The following ZNF536 variants were observed in gnomAD, a reference collection of about 807,000 sequenced individuals.
The protein encoded by ZNF536 is zinc finger protein 536.
A neutral mutation model predicts 84.5 loss-of-function variants in ZNF536; 13 were observed. The observed-to-expected ratio is 0.15, with a 90% CI of 0.10 to 0.24. The LOEUF is 0.24. Among genes scored for constraint, ZNF536 ranks in the 10% least tolerant of loss-of-function variants. The pLI, the probability that ZNF536 is intolerant of heterozygous loss-of-function variation, is 1.00. For synonymous variants in ZNF536, 811 were observed against 742.5 expected (o/e 1.09, Z -1.50); for missense variants, 1,536 against 1,747.5 (o/e 0.88, Z 2.16).
At chr19:30,626,230 A>C (rs1172228676) in intron 1 of ZNF536, among the ~76,000 whole-genome samples, 1 of 152,212 alleles carries the variant, frequency 6.6e-6, no homozygotes, top group Non-Finnish European at 1.5e-5. Flanking sequence ...TGAGGGGATA[A>C]ATCCCACGTC....
intron 1 of ZNF536, among the ~76,000 whole-genome samples, chr19:30,564,489 G>C (rs1391613497): frequency 2.6e-5 from 4 of 152,124 alleles, no homozygotes; most frequent in Non-Finnish European, 4.4e-5. Context: ...TCCTGGGGCT[G>C]TAGGTGCCCA....
At chr19:30,698,347 G>A (rs188225185) in intron 1 of ZNF536, among the ~76,000 whole-genome samples, 13 of 151,836 alleles carry the variant, frequency 8.6e-5, no homozygotes, top group African/African-American at 2.9e-4. Flanking sequence ...AGATTTCACC[G>A]CCATTTCCCA....
At chr19:30,383,743 C>CTTTCTTTCTTTCTT (rs1322092817) in intron 1 of ZNF536, among the ~76,000 whole-genome samples, 4 of 23,222 alleles carry the variant, frequency 1.7e-4, no homozygotes, top group East Asian at 1.5e-3. Context: ...TTCTTTCTTT[C>CTTTCTTTCTTTCTT]TCTTTCTTTC....
chr19:30,244,303 C>G (rs985483844), intron 1 of ZNF536, among the ~76,000 whole-genome samples: 3 of 152,112 alleles, frequency 2.0e-5, no homozygotes, highest in African/African-American at 4.8e-5. Context: ...GATCCACCCC[C>G]CCACCCCTCA....
At chr19:30,244,422 G>T (rs1310608369) in intron 1 of ZNF536, among the ~76,000 whole-genome samples, 3 of 152,102 alleles carry the variant, frequency 2.0e-5, no homozygotes, top group Non-Finnish European at 4.4e-5. Context: ...ACAAAAGCCT[G>T]GGATTTAGAA....
intron 1 of ZNF536, among the ~76,000 whole-genome samples, chr19:30,420,879 G>A (rs544476103): frequency 2.5e-4 from 38 of 152,298 alleles, no homozygotes; most frequent in African/African-American, 8.9e-4. Flanking sequence ...GTCCATTTGG[G>A]CCAGGTTCTG....
At chr19:30,388,366 C>T (rs1319292446) in intron 1 of ZNF536, among the ~76,000 whole-genome samples, 3 of 152,266 alleles carry the variant, frequency 2.0e-5, no homozygotes, top group East Asian at 3.9e-4. Context: ...TGGGGTTAGG[C>T]AGGGGGCTTG....
intron 3 of ZNF536, among the ~76,000 whole-genome samples, chr19:30,538,385 C>T (rs1382706586): frequency 2.0e-5 from 3 of 152,042 alleles, no homozygotes; most frequent in South Asian, 2.1e-4. Flanking sequence ...TTTTTCTGTC[C>T]GACTGCATCT....
chr19:30,268,047 C>CCCTCCCTTTCTCTCCCCCTGCCTT (rs2145407824), intron 1 of ZNF536, among the ~76,000 whole-genome samples: 1 of 131,270 alleles, frequency 7.6e-6, no homozygotes, highest in South Asian at 3.0e-4. Context: ...CCCCCCGCCT[C>CCCTCCCTTTCTCTCCCCCTGCCTT]CCTCCCTTTC....
At chr19:30,400,100 T>C (rs2049986847) in intron 1 of ZNF536, among the ~76,000 whole-genome samples, 1 of 152,202 alleles carries the variant, frequency 6.6e-6, no homozygotes, top group African/African-American at 2.4e-5. Flanking sequence ...GGCATAGATG[T>C]ACCACAATTC....
chr19:30,366,398 A>G (rs545996245), intron 3 of ZNF536, among the ~76,000 whole-genome samples: 1 of 140,784 alleles, frequency 7.1e-6, no homozygotes, highest in African/African-American at 2.7e-5. Flanking sequence ...CTATCTATCT[A>G]TATCTATCTC....
chr19:30,440,346 G>A (rs929291760), intron 1 of ZNF536, among the ~76,000 whole-genome samples: 1 of 152,088 alleles, frequency 6.6e-6, no homozygotes, highest in Non-Finnish European at 1.5e-5. Flanking sequence ...GATTCGGATC[G>A]TAGGTGCTCA....
chr19:30,522,284 A>ATATATATATATTTTATATATATAT (rs1491191338), intron 2 of ZNF536, among the ~76,000 whole-genome samples: 1,374 of 6,088 alleles, frequency 0.23, 7 homozygotes, highest in Middle Eastern at 0.31. Flanking sequence ...CATATATATA[A>ATATATATATATTTTATATATATAT]TATATATATA....
intron 1 of ZNF536, among the ~76,000 whole-genome samples, chr19:30,441,640 TA>T: frequency 6.6e-6 from 1 of 152,202 alleles, no homozygotes; most frequent in Non-Finnish European, 1.5e-5. Flanking sequence ...CCGCGTATTT[TA>T]AAAAAATTTG....
chr19:30,420,719 C>T (rs552908791), intron 1 of ZNF536, among the ~76,000 whole-genome samples: 1 of 152,090 alleles, frequency 6.6e-6, no homozygotes, highest in East Asian at 1.9e-4. Flanking sequence ...AAGTTAAATC[C>T]CATCTATTTA....
chr19:30,429,497 C>A (rs116336597), intron 1 of ZNF536, among the ~76,000 whole-genome samples: 1 of 152,106 alleles, frequency 6.6e-6, no homozygotes. Context: ...AGTGTCACCC[C>A]GCATCGTCAG....
intron 1 of ZNF536, among the ~76,000 whole-genome samples, chr19:30,257,085 A>C (rs1209879135): frequency 6.6e-6 from 1 of 152,192 alleles, no homozygotes; most frequent in Non-Finnish European, 1.5e-5. Context: ...TTTACAGCCG[A>C]ATATTCTGTT....
At chr19:30,369,594 G>C (rs2048545876), upstream of ZNF536, among the ~76,000 whole-genome samples, 1 of 152,210 alleles carries the variant, frequency 6.6e-6, no homozygotes, top group Non-Finnish European at 1.5e-5. Flanking sequence ...TAAAGGAAAA[G>C]ACAAAATTCT....
chr19:30,388,461 T>C (rs1426899238), intron 1 of ZNF536, among the ~76,000 whole-genome samples: 1 of 152,176 alleles, frequency 6.6e-6, no homozygotes, highest in Non-Finnish European at 1.5e-5. Flanking sequence ...GCCCCAGCCC[T>C]CATGGTCCAC....
Sources: gnomAD v4.1 joint callset for allele counts (sites outside exome capture counted in the v4.1 genomes callset) on GRCh38, gnomAD v4.1.1 for gene constraint, MANE v1.5 for transcripts, NCBI Gene and HGNC (gene_info 2026-07-23, HGNC 2026-07-21) for gene names.